SPG11: variants seen among roughly 807,000 people sequenced by gnomAD.
The protein encoded by SPG11 is SPG11 vesicle trafficking associated, spatacsin, also known as spatacsin.
SPG11 carries 222 observed loss-of-function variants against 274.0 expected under a neutral mutation model. The observed-to-expected ratio is 0.81, with a 90% CI of 0.73 to 0.91. SPG11 has a LOEUF of 0.91. SPG11 is among the 40% of genes least tolerant of loss of function. The pLI, the probability that SPG11 is intolerant of heterozygous loss-of-function variation, is 0.00. For synonymous variants in SPG11, 1,144 were observed against 1,039.7 expected, an observed-to-expected ratio of 1.10 and a Z score of -1.93; for missense variants, 3,114 against 2,872.7, an observed-to-expected ratio of 1.08 and a Z score of -1.92.
At position 44,563,195 on chromosome 15, in the gene SPG11, A is replaced by T. The variant is rs779900397; in HGVS notation, c.7258T>A (p.Phe2420Ile). The T allele has an allele frequency of 1.5e-5, 25 of 1,614,068 alleles. No homozygotes were observed. In the East Asian group the frequency reaches 4.9e-4, roughly 32 times the overall value. The change falls in exon 40 of 40, where the codon TTT becomes ATT. Residue 2420 changes from phenylalanine to isoleucine, a missense_variant. Transcript: ENST00000261866. ...LYYKLAYEHK[F>I]YEIVNVLLKD... ...AGAAGCACATTTACAATTTCATAAA[A>T]CTTGTGTTCGTATGCCAACTTGTAA...
chr15:44,591,977 G>C (rs2140962224), intron 27 of SPG11, among the ~76,000 whole-genome samples: 1 of 152,104 alleles, frequency 6.6e-6, no homozygotes, highest in Non-Finnish European at 1.5e-5. Flanking sequence ...TGGGTGTGGT[G>C]GTGGGCACCT....
chr15:44,566,743 C>T (rs116916789), intron 36 of SPG11, among the ~76,000 whole-genome samples: 2,257 of 152,220 alleles, frequency 0.015, 27 homozygotes, highest in Non-Finnish European at 0.022. Context: ...CTGTCACCTA[C>T]GCTGGAGTGC....
chr15:44,604,931 C>CAAAAAAAA (rs908048525), intron 20 of SPG11, among the ~76,000 whole-genome samples: 8 of 22,496 alleles, frequency 3.6e-4, no homozygotes, highest in African/African-American at 1.4e-3. Flanking sequence ...ACTCCATCTC[C>CAAAAAAAA]AAAAAAAAAA....
chr15:44,659,082 T>G lies in SPG11; in HGVS notation c.664A>C (p.Ile222Leu), dbSNP rs778932218. The change falls in exon 3 of 40, where the codon ATC becomes CTC. Residue 222 changes from isoleucine to leucine, a missense_variant. Coordinates refer to ENST00000261866, the MANE Select transcript of SPG11 (RefSeq NM_025137.4). ...ACACTTCTACCACCAAGGATACAGATCCAGCCTAAACTACTCAAAACAAAA... is the reference window on the plus strand; with the variant it reads ...ACACTTCTACCACCAAGGATACAGAGCCAGCCTAAACTACTCAAAACAAAA... ...ILFVLSSLGW[I>L]YIFDVVDGTY... 1 of 1,614,004 alleles carries G rather than the reference T, an allele frequency of 6.2e-7. No homozygotes were observed. Among genetic ancestry groups the G allele is most frequent in the East Asian group, 2.2e-5 (1 of 44,878 alleles).
rs997928155 is a variant in SPG11 at position 44,622,741 on chromosome 15, A to G, written c.2303T>C (p.Ile768Thr). Residue 768 changes from isoleucine (I) to threonine (T), a missense_variant, in exon 12 of 40, where the codon ATA (isoleucine) becomes ACA (threonine). Physicochemically the swap from Ile to Thr is moderately conservative, Grantham distance 89 (BLOSUM62 -1). Coordinates refer to ENST00000261866, the MANE Select transcript of SPG11 (RefSeq NM_025137.4). ...KICFYTTNKN[I>T]RDFLVEILKE... ...ACCTTTACCTACCAAAAAGTCACGT[A>G]TATTTTTATTAGTTGTATAGAAGCA... 8 of 1,612,884 alleles carry G rather than the reference A, an allele frequency of 5.0e-6. No individual in the cohort carries two copies. Among genetic ancestry groups the G allele is most frequent in the Admixed American group, 3.3e-5 (2 of 59,996 alleles).
chr15:44,619,732 T>G (rs1458933204), intron 15 of SPG11, among the ~76,000 whole-genome samples: 1 of 151,532 alleles, frequency 6.6e-6, no homozygotes, highest in Non-Finnish European at 1.5e-5. Context: ...TTTTTTTTTT[T>G]TTTTTTTTGA....
chr15:44,655,490 A>G (rs915884613), intron 4 of SPG11, among the ~76,000 whole-genome samples: 3 of 152,208 alleles, frequency 2.0e-5, no homozygotes, highest in African/African-American at 4.8e-5. Flanking sequence ...TTGCCTTTTC[A>G]GACAGACTAC....
At chr15:44,580,040 A>G (rs117676401) in intron 30 of SPG11, among the ~76,000 whole-genome samples, 2,264 of 152,368 alleles carry the variant, frequency 0.015, 59 homozygotes, top group East Asian at 0.098. Context: ...TGCAAGCTCC[A>G]TTAACGTTAA....
Position 44,601,735 on chromosome 15 carries a change from TTACAG to T in SPG11, c.3521-1108_3521-1104del, listed in dbSNP as rs562492079. ...CACCACACCTAGCTAATTTTTGTAC[TTACAG>T]TAGAGACGGGGTTTCGCCATGTTGG... On this transcript the variant is annotated intron_variant, in intron 20 of 39. Coordinates refer to ENST00000261866, the MANE Select transcript of SPG11 (RefSeq NM_025137.4). Among the ~76,000 whole-genome samples, 946 of 152,138 alleles carry T rather than the reference TTACAG, an allele frequency of 6.2e-3. 14 individuals carry two copies. Among genetic ancestry groups the T allele is most frequent in the African/African-American group, 0.022 (894 of 41,494 alleles).
At chr15:44,566,060 T>G (rs538179773) in intron 37 of SPG11, 51 bp from the exon 38 acceptor site, 1 of 1,609,764 alleles carries the variant, frequency 6.2e-7, no homozygotes, top group South Asian at 1.1e-5. Flanking sequence ...AGTTGTCACC[T>G]CCTGTGTGAA....
intron 39 of SPG11, among the ~76,000 whole-genome samples, 191 bp from the exon 40 acceptor site, chr15:44,563,492 C>T (rs1806363597): frequency 6.6e-6 from 1 of 152,096 alleles, no homozygotes; most frequent in African/African-American, 2.4e-5. Context: ...GAGTGTGTCA[C>T]CACCCTGGCT....
At chr15:44,615,303 T>C (rs2083564199) in intron 16 of SPG11, 60 bp downstream of exon 16, 1 of 1,493,008 alleles carries the variant, frequency 6.7e-7, no homozygotes, top group Non-Finnish European at 9.3e-7. Context: ...CATTCAGGAG[T>C]CATATGCAAA....
At chr15:44,574,499 G>A (rs943665813) in intron 31 of SPG11, among the ~76,000 whole-genome samples, 5 of 152,154 alleles carry the variant, frequency 3.3e-5, no homozygotes, top group South Asian at 2.1e-4. Flanking sequence ...CCCAAGCAGC[G>A]CAAAGGTACA....
At chr15:44,603,675 T>C (rs2083250720) in intron 20 of SPG11, among the ~76,000 whole-genome samples, 1 of 152,220 alleles carries the variant, frequency 6.6e-6, no homozygotes, top group South Asian at 2.1e-4. Context: ...GATTGGTTCC[T>C]GAAACCCTTG....
At chr15:44,568,431 C>T (rs967055263) in intron 35 of SPG11, among the ~76,000 whole-genome samples, 1 of 152,158 alleles carries the variant, frequency 6.6e-6, no homozygotes, top group Non-Finnish European at 1.5e-5. Context: ...TGCTTTCTCT[C>T]TTAATCCTGC....
At chr15:44,575,596 T>C (rs934563141) in intron 30 of SPG11, among the ~76,000 whole-genome samples, 5 of 150,350 alleles carry the variant, frequency 3.3e-5, no homozygotes, top group East Asian at 2.0e-4. Context: ...CAGGGCTCAA[T>C]AGATTCTCGT....
Position 44,570,559 on chromosome 15 carries a change from T to G in SPG11, c.6443A>C (p.Asn2148Thr). 1 of 1,614,110 alleles carries G rather than the reference T, an allele frequency of 6.2e-7. No individual in the cohort carries two copies. The highest frequency in any genetic ancestry group is 1.7e-5 in the Admixed American group (1 of 60,012). Residue 2148 changes from asparagine (N) to threonine (T), a missense_variant, in exon 34 of 40, where the codon AAC becomes ACC. Asn to Thr is a moderately conservative substitution (Grantham distance 65). Transcript: ENST00000261866. ...VLQAAHMLTDNHLAPSEEYGL... is the reference protein window; with the variant it reads ...VLQAAHMLTDTHLAPSEEYGL... ...ATACTCCTCACTGGGGGCCAGGTGG[T>G]TATCTGTGAGCATGTGGGCGGCCTG...
At chr15:44,592,584 C>T (rs1595855371) in intron 26 of SPG11, 146 bp from the exon 27 acceptor site, 2 of 662,100 alleles carry the variant, frequency 3.0e-6, no homozygotes, top group Non-Finnish European at 5.5e-6. Context: ...TTTGGGAAGC[C>T]GAGCCAGTGG....
At position 44,564,614 on chromosome 15, in the gene SPG11, TA is replaced by T. The variant is rs2082272257; in HGVS notation, c.7083del (p.Phe2361LeufsTer13). 1 of 1,613,862 alleles carries T rather than the reference TA, an allele frequency of 6.2e-7. No homozygotes were observed. Among genetic ancestry groups the T allele is most frequent in the Admixed American group, 1.7e-5 (1 of 60,004 alleles). On this transcript the variant is annotated frameshift_variant, in exon 39 of 40. Coordinates refer to ENST00000261866, the MANE Select transcript of SPG11 (RefSeq NM_025137.4). LOFTEE classifies it high-confidence loss of function. ...LYQQVILKGD[F>X]NYLEEFKQQR... ...TGCTGCTTAAATTCTTCCAAGTAAT[TA>T]AAGTCTCCTTTAAGAATCACTTGCT...
Sources: gnomAD v4.1 joint callset for allele counts (sites outside exome capture counted in the v4.1 genomes callset) on GRCh38, gnomAD v4.1.1 for gene constraint, MANE v1.5 for transcripts, NCBI Gene and HGNC (gene_info 2026-07-23, HGNC 2026-07-21) for gene names.